Variants in CHD2 observed in about 807,000 individuals in gnomAD.
The protein encoded by CHD2 is chromodomain helicase DNA binding protein 2.
In CHD2, 28 loss-of-function variants were observed where a neutral mutation model predicts 243.9. That is an observed-to-expected ratio of 0.11 (90% CI 0.09 to 0.16). The LOEUF (loss-of-function observed/expected upper bound fraction) is 0.16. Among genes scored for constraint, CHD2 ranks in the 10% least tolerant of loss-of-function variants. The pLI is 1.00. For synonymous variants in CHD2, 775 were observed against 779.0 expected (o/e 0.99, Z 0.09); for missense variants, 1,386 against 2,209.8 (o/e 0.63, Z 7.47).
chr15:92,934,501 A>C (rs1177349374), intron 5 of CHD2, among the ~76,000 whole-genome samples: 1 of 152,186 alleles, frequency 6.6e-6, no homozygotes, highest in African/African-American at 2.4e-5. Flanking sequence ...TCACGATCTC[A>C]TATCTTAAAC....
intron 2 of CHD2, among the ~76,000 whole-genome samples, chr15:92,907,051 A>G (rs554123898): frequency 4.0e-4 from 61 of 152,334 alleles, no homozygotes; most frequent in African/African-American, 1.3e-3. Flanking sequence ...ATTCAGCACA[A>G]TGCTGGAACA....
intron 37 of CHD2, among the ~76,000 whole-genome samples, chr15:93,015,228 A>G (rs2054443721): frequency 6.6e-6 from 1 of 151,490 alleles, no homozygotes; most frequent in Non-Finnish European, 1.5e-5. Flanking sequence ...ACAGATGTGC[A>G]CCACCACGCT....
intron 22 of CHD2, among the ~76,000 whole-genome samples, chr15:92,979,511 T>G (rs1199183729): frequency 2.0e-5 from 3 of 152,142 alleles, no homozygotes; most frequent in Non-Finnish European, 4.4e-5. Flanking sequence ...CTCCCTTACC[T>G]TTGCTTTTGG....
chr15:92,942,704 G>T, intron 8 of CHD2, 139 bp from the exon 9 acceptor site: 4 of 592,298 alleles, frequency 6.8e-6, no homozygotes, highest in Non-Finnish European at 1.1e-5. Flanking sequence ...TGTGTTGTTT[G>T]TGAGTTTGTA....
At chr15:92,959,705 TG>T (rs1164752030) in intron 16 of CHD2, among the ~76,000 whole-genome samples, 1 of 152,250 alleles carries the variant, frequency 6.6e-6, no homozygotes, top group African/African-American at 2.4e-5. Context: ...TTGGCCAGGC[TG>T]GTCTCGAACT....
At chr15:92,924,845 C>T (rs1002889079) in intron 3 of CHD2, among the ~76,000 whole-genome samples, 1 of 152,120 alleles carries the variant, frequency 6.6e-6, no homozygotes, top group Non-Finnish European at 1.5e-5. Context: ...GTTGCCCAGC[C>T]TGGAGTGCGC....
intron 33 of CHD2, among the ~76,000 whole-genome samples, chr15:93,003,497 C>G (rs72763899): frequency 8.3e-4 from 126 of 150,980 alleles, no homozygotes; most frequent in Non-Finnish European, 1.7e-3. Context: ...AAAAAAAGAG[C>G]AATTTTAGCA....
At chr15:92,962,854 G>A (rs34448107) in intron 16 of CHD2, among the ~76,000 whole-genome samples, 55,036 of 151,926 alleles carry the variant, frequency 0.36, 11,197 homozygotes, top group East Asian at 0.8. Flanking sequence ...TGTTCCTGAG[G>A]TATTGACCTT....
rs1159091696 is a variant in CHD2, at chr15:92,956,617, C to T, written c.1968C>T (p.Leu656=). 1 of 1,613,196 alleles carries T rather than the reference C, an allele frequency of 6.2e-7. No individual in the cohort carries two copies. The highest frequency in any genetic ancestry group is 1.3e-5 in the African/African-American group (1 of 74,790). ...CTCTTCAGAATTCCCTCAAAGAGCTCTGGTCCTTGCTGCACTTTATTATGC... is the reference window on the plus strand; with the variant it reads ...CTCTTCAGAATTCCCTCAAAGAGCTTTGGTCCTTGCTGCACTTTATTATGC... ...GTPLQNSLKE[L]WSLLHFIMPE... The change falls in exon 16 of 39, where the codon CTC becomes CTT. Residue 656 remains leucine (L), a synonymous_variant. Transcript: ENST00000394196.
intron 24 of CHD2, 41 bp downstream of exon 24, chr15:92,981,498 C>A: frequency 4.8e-6 from 7 of 1,448,310 alleles, no homozygotes; most frequent in South Asian, 1.2e-5. Flanking sequence ...AGCATTGATT[C>A]ATTAATGATG....
intron 24 of CHD2, among the ~76,000 whole-genome samples, chr15:92,982,314 T>A (rs2053989948): frequency 6.6e-6 from 1 of 152,098 alleles, no homozygotes; most frequent in South Asian, 2.1e-4. Context: ...AAGTGAGGTG[T>A]TTGCTTGAGA....
intron 31 of CHD2, among the ~76,000 whole-genome samples, chr15:92,999,516 A>AC (rs1432270064): frequency 2.0e-5 from 3 of 152,244 alleles, no homozygotes; most frequent in Non-Finnish European, 4.4e-5. Context: ...GCTAAGAAAT[A>AC]CAAGTTACAC....
At chr15:92,979,546 C>T (rs553918136) in intron 22 of CHD2, among the ~76,000 whole-genome samples, 1 of 152,182 alleles carries the variant, frequency 6.6e-6, no homozygotes, top group Admixed American at 6.5e-5. Context: ...TATGACACAG[C>T]AACAGCAGTG....
chr15:92,985,619 C>T lies in CHD2; in HGVS notation c.3359C>T (p.Pro1120Leu), dbSNP rs2054032013. The T allele has an allele frequency of 1.9e-6, 3 of 1,613,666 alleles. No homozygotes were observed. Among genetic ancestry groups the T allele is most frequent in the Non-Finnish European group, 2.5e-6 (3 of 1,179,974 alleles). The change falls in exon 26 of 39, where the codon CCG becomes CTG. Residue 1120 changes from proline (P) to leucine (L), a missense_variant. Transcript: ENST00000394196. The part of the protein sequence containing the change: ...DDKKPKRRGR[P>L]RSVRKDLVEG... ...AAGAAGCCAAAGCGCAGAGGGCGTC[C>T]GAGGAGTGTGCGGAAGGACCTCGTG...
rs2054578177 is a variant in CHD2 at position 93,025,297 on chromosome 15, T to C, written c.*592T>C. 1 of 152,880 alleles carries C rather than the reference T, an allele frequency of 6.5e-6. No individual in the cohort carries two copies. Among genetic ancestry groups the C allele is most frequent in the Admixed American group, 6.5e-5 (1 of 15,282 alleles). The allele number at this position is 152,880 out of a possible 1,614,324, so 9.5% of individuals were successfully genotyped here. On this transcript the variant is annotated 3_prime_UTR_variant, in exon 39 of 39. Transcript: ENST00000394196. ...AGAAGTGATACACTCGGCCTCATTA[T>C]GTGAAACCTGTGGGTGGGGTTGGGG...
Position 93,014,759 on chromosome 15 carries a change from T to G in CHD2, c.4756T>G (p.Ser1586Ala). 6.2e-7 allele frequency: 1 copy of G among 1,614,136 alleles called. No homozygotes were observed. The highest frequency in any genetic ancestry group is 8.5e-7 in the Non-Finnish European group (1 of 1,180,018). Reference sequence around the variant, plus strand: ...ACCATTTCGTCCAGAGGCCTCAGGCTCCAGCCGGGACTCTCTGATATCTCA... The same window carrying G: ...ACCATTTCGTCCAGAGGCCTCAGGCGCCAGCCGGGACTCTCTGATATCTCA... ...KKPFRPEASG[S>A]SRDSLISQSH... The change falls in exon 37 of 39, where the codon TCC (serine) becomes GCC (alanine). Residue 1586 changes from serine (S) to alanine (A), a missense_variant. Ser to Ala is a moderately conservative substitution (Grantham distance 99). This residue lies in a region of CHD2 where 347 missense variants were observed against 341.6 expected (regional missense o/e 1.02). Transcript: ENST00000394196.
chr15:93,001,408 A>G (rs1009072690), intron 32 of CHD2, among the ~76,000 whole-genome samples: 1 of 152,206 alleles, frequency 6.6e-6, no homozygotes, highest in African/African-American at 2.4e-5. Context: ...TGACAACTTT[A>G]TGGAATTTCT....
At chr15:92,957,888 T>C (rs2053636686) in intron 16 of CHD2, among the ~76,000 whole-genome samples, 1 of 152,134 alleles carries the variant, frequency 6.6e-6, no homozygotes, top group African/African-American at 2.4e-5. Flanking sequence ...TTACCTTTTC[T>C]AGAAGTTTTA....
At chr15:92,938,323 T>G (rs1297114048) in intron 6 of CHD2, among the ~76,000 whole-genome samples, 1 of 152,226 alleles carries the variant, frequency 6.6e-6, no homozygotes, top group Non-Finnish European at 1.5e-5. Context: ...CTGTTCTCAT[T>G]AGTAGATATA....
Sources: allele counts gnomAD v4.1 joint callset (sites outside exome capture counted in the v4.1 genomes callset), GRCh38; gene constraint gnomAD v4.1.1; regional missense constraint gnomAD v4.1.1; transcripts MANE v1.5; gene names NCBI Gene and HGNC (gene_info 2026-07-23, HGNC 2026-07-21).